Variants in GRIN2B observed in about 807,000 individuals in gnomAD.
GRIN2B encodes the protein glutamate ionotropic receptor NMDA type subunit 2B.
GRIN2B carries 5 observed loss-of-function variants against 114.5 expected under a neutral mutation model. The ratio of observed to expected loss-of-function variants is 0.04; its 90% confidence interval spans 0.02 to 0.09. The LOEUF (loss-of-function observed/expected upper bound fraction) is 0.09, where lower values mean the gene tolerates loss of function less well. Ranked by LOEUF, GRIN2B falls within the 10% of genes least tolerant of loss-of-function variation. GRIN2B has a pLI of 1.00. For synonymous variants in GRIN2B, 787 were observed against 745.1 expected, an observed-to-expected ratio of 1.06 and a Z score of -0.92; for missense variants, 1,108 against 1,943.5, an observed-to-expected ratio of 0.57 and a Z score of 8.08.
chr12:13,915,434 A>G (rs1280284196), intron 2 of GRIN2B, among the ~76,000 whole-genome samples: 1 of 152,040 alleles, frequency 6.6e-6, no homozygotes, highest in Non-Finnish European at 1.5e-5. Flanking sequence ...CTCACTCTCT[A>G]TTTTAAGCTG....
At chr12:13,757,438 G>A (rs1805560) in intron 3 of GRIN2B, among the ~76,000 whole-genome samples, 10,785 of 152,184 alleles carry the variant, frequency 0.071, 501 homozygotes, top group Middle Eastern at 0.11. Flanking sequence ...AGGACTGGTG[G>A]CCACACATCC....
In GRIN2B at chr12:13,929,912, G is replaced by A. The variant is rs754203578; in HGVS notation, c.-19+50016C>T. ...CTAAATAAATAATTATTGGCTGGGCGCAGTGGCTCAAACCTGTAATCTCAG... is the reference window on the plus strand; with the variant it reads ...CTAAATAAATAATTATTGGCTGGGCACAGTGGCTCAAACCTGTAATCTCAG... On this transcript the variant is annotated intron_variant, in intron 2 of 13. Coordinates refer to ENST00000609686, the MANE Select transcript of GRIN2B (RefSeq NM_000834.5). 6.6e-5 allele frequency among the ~76,000 whole-genome samples: 10 copies of A among 152,282 alleles called. No individual in the cohort carries two copies. In the East Asian group the frequency reaches 9.7e-4, roughly 15 times the overall value.
intron 2 of GRIN2B, among the ~76,000 whole-genome samples, chr12:13,946,943 G>A (rs1004914569): frequency 2.6e-5 from 4 of 152,060 alleles, no homozygotes; most frequent in Admixed American, 6.6e-5. Context: ...TTTCACCTTT[G>A]AGCGATGCAT....
Position 13,615,049 on chromosome 12 carries a change from T to G in GRIN2B, c.1654+65A>C. ...TGGAACAGCCTGGCCATGTGCTCCT[T>G]TTTTCCTTATTTCACTTCCCCATCC... On this transcript the variant is annotated intron_variant, in intron 8 of 13. Transcript: ENST00000609686. This position sits in a 1 kb window ranked among gnomAD's most constrained non-coding sequence, Gnocchi z 5.8. 6.9e-7 allele frequency: 1 copy of G among 1,445,860 alleles called. No homozygotes were observed. The highest frequency in any genetic ancestry group is 9.7e-7 in the Non-Finnish European group (1 of 1,026,766). 89.6% of individuals were successfully genotyped at this position (1,445,860 alleles called of 1,614,324 possible). A position where few individuals can be genotyped will look rare whatever the true frequency, so the allele number is the denominator to read the frequency against.
chr12:13,932,983 G>GTGCA (rs1867063594), intron 2 of GRIN2B, among the ~76,000 whole-genome samples: 1 of 130,098 alleles, frequency 7.7e-6, no homozygotes, highest in East Asian at 4.9e-4. Flanking sequence ...GTGTGTGTGT[G>GTGCA]TGTGCGTGTG....
chr12:13,617,030 C>A (rs1949453233), intron 5 of GRIN2B, among the ~76,000 whole-genome samples: 1 of 152,144 alleles, frequency 6.6e-6, no homozygotes. Context: ...AGTGAGGATG[C>A]TGGAGTTCCC....
At chr12:13,573,706 C>T (rs967013176) in intron 10 of GRIN2B, among the ~76,000 whole-genome samples, 1 of 152,196 alleles carries the variant, frequency 6.6e-6, no homozygotes, top group African/African-American at 2.4e-5. Flanking sequence ...GAAAATCTAA[C>T]CTGCCAACTC....
intron 2 of GRIN2B, among the ~76,000 whole-genome samples, chr12:13,944,504 T>C (rs1339199201): frequency 2.0e-5 from 3 of 152,208 alleles, no homozygotes; most frequent in Non-Finnish European, 4.4e-5. Context: ...AAGCTCCACA[T>C]ACAGAGAGAC....
At chr12:13,618,208 C>T (rs1949469272) in intron 5 of GRIN2B, among the ~76,000 whole-genome samples, 1 of 152,142 alleles carries the variant, frequency 6.6e-6, no homozygotes, top group South Asian at 2.1e-4. Flanking sequence ...AGTGGAGATA[C>T]TAATGTCCTC....
chr12:13,595,649 A>G (rs1246332274), intron 10 of GRIN2B, among the ~76,000 whole-genome samples: 1 of 152,118 alleles, frequency 6.6e-6, no homozygotes, highest in African/African-American at 2.4e-5. Flanking sequence ...TTGCCTCAGC[A>G]TCAGAGGGTT....
intron 3 of GRIN2B, among the ~76,000 whole-genome samples, chr12:13,862,758 G>A (rs1032145535): frequency 4.6e-5 from 7 of 151,990 alleles, no homozygotes; most frequent in African/African-American, 1.7e-4. Context: ...TGAGATTTGG[G>A]GACTCTTTTT....
chr12:13,919,088 A>C (rs890651510), intron 2 of GRIN2B, among the ~76,000 whole-genome samples: 9 of 152,312 alleles, frequency 5.9e-5, no homozygotes, highest in African/African-American at 2.2e-4. Flanking sequence ...CTTTTCCTCC[A>C]CATGCAAATT....
intron 5 of GRIN2B, among the ~76,000 whole-genome samples, chr12:13,642,205 C>A (rs202044240): frequency 0.053 from 7,986 of 151,550 alleles, 317 homozygotes; most frequent in East Asian, 0.13. Flanking sequence ...AACAAACAAA[C>A]AAACAAACAA....
rs11055521 is a variant in GRIN2B at position 13,550,333 on chromosome 12, G to C, written c.*12450C>G. The stretch of plus-strand genomic sequence containing the variant: ...GAGCAGAGGCAGGCTAGAACTGCAG[G>C]AGCTCAGTGCCTCTTTACATGGGAA... On this transcript the variant is annotated 3_prime_UTR_variant, in exon 14 of 14. Coordinates refer to ENST00000609686, the MANE Select transcript of GRIN2B (RefSeq NM_000834.5). 0.3 allele frequency: 46,381 copies of C among 152,128 alleles called. 9,062 individuals are homozygous for C. The highest frequency in any genetic ancestry group is 0.49 in the Middle Eastern group (143 of 294). 9.4% of individuals were successfully genotyped at this position (152,128 alleles called of 1,614,324 possible).
At chr12:13,694,553 T>A (rs1950241991) in intron 4 of GRIN2B, among the ~76,000 whole-genome samples, 1 of 150,976 alleles carries the variant, frequency 6.6e-6, no homozygotes, top group Non-Finnish European at 1.5e-5. Flanking sequence ...GTCAGACAGC[T>A]AGTAAGTGAC....
intron 2 of GRIN2B, among the ~76,000 whole-genome samples, chr12:13,896,401 G>A (rs911075364): frequency 1.3e-5 from 2 of 152,172 alleles, no homozygotes; most frequent in African/African-American, 2.4e-5. Context: ...AGAGCAAAGC[G>A]ATGGGTTAGT....
intron 3 of GRIN2B, among the ~76,000 whole-genome samples, chr12:13,782,646 A>G (rs1424613908): frequency 6.6e-6 from 1 of 152,208 alleles, no homozygotes; most frequent in Non-Finnish European, 1.5e-5. Context: ...TTTCTTGCAG[A>G]TTTGAGAATA....
chr12:13,877,556 C>T (rs778012467), intron 2 of GRIN2B, among the ~76,000 whole-genome samples: 33 of 152,276 alleles, frequency 2.2e-4, no homozygotes, highest in Non-Finnish European at 4.0e-4. Flanking sequence ...TTGCCTTCCT[C>T]CTCTCTCTCC....
chr12:13,770,513 G>A lies in GRIN2B; in HGVS notation c.412-16598C>T, dbSNP rs138024046. 2.3e-3 allele frequency among the ~76,000 whole-genome samples: 352 copies of A among 152,338 alleles called. 1 individual carries two copies. The highest frequency in any genetic ancestry group is 8.2e-3 in the African/African-American group (342 of 41,584). On this transcript the variant is annotated intron_variant, in intron 3 of 13. Coordinates refer to ENST00000609686, the MANE Select transcript of GRIN2B (RefSeq NM_000834.5). ...TCTGAAATATTTAATAGGCTTCACA[G>A]AAATTTGGTGTGTGAGAGGAGGTTA... is the stretch of plus-strand genomic sequence containing the variant.
Sources: allele counts gnomAD v4.1 joint callset (sites outside exome capture counted in the v4.1 genomes callset), GRCh38; gene constraint gnomAD v4.1.1; non-coding constraint Gnocchi (gnomAD v3.1); transcripts MANE v1.5; gene names NCBI Gene and HGNC (gene_info 2026-07-23, HGNC 2026-07-21).